FUBP1: variants seen among roughly 807,000 people sequenced by gnomAD.
FUBP1 encodes the protein far upstream element binding protein 1, also known as far upstream element-binding protein 1.
Under a neutral mutation model 94.9 loss-of-function variants are expected in FUBP1, and 16 were observed. The ratio of observed to expected loss-of-function variants is 0.17; its 90% CI spans 0.11 to 0.26. The LOEUF (loss-of-function observed/expected upper bound fraction) is 0.26. FUBP1 is among the 10% of genes least tolerant of loss of function. The pLI, the probability that FUBP1 is intolerant of heterozygous loss-of-function variation, is 1.00. For missense variants in FUBP1, 583 were observed against 808.6 expected (o/e 0.72, Z 3.38); for synonymous variants, 279 against 254.9 (o/e 1.09, Z -0.90).
chr1:77,954,475 T>A (rs1654074323), intron 18 of FUBP1, among the ~76,000 whole-genome samples: 1 of 152,160 alleles, frequency 6.6e-6, no homozygotes, highest in Non-Finnish European at 1.5e-5. Context: ...CAAAACAACT[T>A]TATCATCAGG....
chr1:77,959,216 G>C (rs1275335526), intron 16 of FUBP1, among the ~76,000 whole-genome samples: 1 of 152,068 alleles, frequency 6.6e-6, no homozygotes, highest in Non-Finnish European at 1.5e-5. Context: ...AGGCCTAAAA[G>C]GTAGGTAGCA....
At chr1:77,954,827 A>C (rs528107534) in intron 18 of FUBP1, among the ~76,000 whole-genome samples, 1 of 152,334 alleles carries the variant, frequency 6.6e-6, no homozygotes, top group South Asian at 2.1e-4. Flanking sequence ...CTTGGGACTC[A>C]GACCCTCTTG....
chr1:77,949,361 A>G, intron 18 of FUBP1, 61 bp from the exon 19 acceptor site: 1 of 1,298,704 alleles, frequency 7.7e-7, no homozygotes, highest in Non-Finnish European at 1.1e-6. Context: ...TCTCATTTCT[A>G]ATAAAAACAA....
intron 16 of FUBP1, 68 bp downstream of exon 16, chr1:77,960,116 G>A (rs1021705819): frequency 9.5e-6 from 11 of 1,154,170 alleles, no homozygotes; most frequent in Admixed American, 1.9e-5. Flanking sequence ...ATCAACACTA[G>A]AAAATTTAAT....
chr1:77,966,321 G>C (rs2102413675), intron 7 of FUBP1, among the ~76,000 whole-genome samples: 1 of 152,264 alleles, frequency 6.6e-6, no homozygotes, highest in East Asian at 1.9e-4. Context: ...AAAGAGCCTG[G>C]GAGAGGAGTG....
At position 77,947,028 on chromosome 1, in the gene FUBP1, T is replaced by C. The variant is rs1429421415; in HGVS notation, c.*1738A>G. 6 of 208,814 alleles carry C rather than the reference T, an allele frequency of 2.9e-5. No individual in the cohort carries two copies. In the East Asian group the frequency reaches 4.4e-4, roughly 15 times the overall value. 12.9% of individuals were successfully genotyped at this position (208,814 alleles called of 1,614,324 possible). ...AACAACAAATGGTGCTCTCCACCAA[T>C]GACAAAATATATATTTATGAAATGT... is the stretch of plus-strand genomic sequence containing the variant. On this transcript the variant is annotated 3_prime_UTR_variant, in exon 20 of 20. Coordinates refer to ENST00000370768, the MANE Select transcript of FUBP1 (RefSeq NM_003902.5).
intron 16 of FUBP1, among the ~76,000 whole-genome samples, chr1:77,957,680 A>C (rs1413554663): frequency 6.6e-6 from 1 of 152,226 alleles, no homozygotes; most frequent in Non-Finnish European, 1.5e-5. Flanking sequence ...AAAAATGAGC[A>C]AGAATTTCTA....
intron 18 of FUBP1, among the ~76,000 whole-genome samples, chr1:77,950,069 T>C (rs1016685210): frequency 6.6e-6 from 1 of 152,240 alleles, no homozygotes; most frequent in African/African-American, 2.4e-5. Flanking sequence ...GAATCTTGAA[T>C]GTACTCTGAA....
chr1:77,969,783 CCT>C, intron 2 of FUBP1, 140 bp downstream of exon 2: 1 of 413,620 alleles, frequency 2.4e-6, no homozygotes, highest in Non-Finnish European at 4.4e-6. Context: ...TTCTTTCCCC[CCT>C]TTTAGGCCAA....
chr1:77,968,652 A>C (rs574139040), intron 2 of FUBP1, among the ~76,000 whole-genome samples: 14 of 151,936 alleles, frequency 9.2e-5, no homozygotes, highest in Admixed American at 6.5e-4. Flanking sequence ...CAAAAAAAAA[A>C]AAACAAAAAA....
chr1:77,973,641 C>T (rs1299006572), intron 1 of FUBP1, among the ~76,000 whole-genome samples: 1 of 152,206 alleles, frequency 6.6e-6, no homozygotes, highest in Non-Finnish European at 1.5e-5. Context: ...CCTGTTTTCA[C>T]TACTTTAACA....
At chr1:77,959,933 CAGCTTTT>C (rs1655149326) in intron 16 of FUBP1, among the ~76,000 whole-genome samples, 1 of 152,218 alleles carries the variant, frequency 6.6e-6, no homozygotes, top group African/African-American at 2.4e-5. Flanking sequence ...CTCTTTCCTG[CAGCTTTT>C]AGCTTTTATC....
chr1:77,973,340 A>G (rs1043425344), intron 1 of FUBP1, among the ~76,000 whole-genome samples: 2 of 152,056 alleles, frequency 1.3e-5, no homozygotes, highest in African/African-American at 4.8e-5. Flanking sequence ...CCGCCCCCCA[A>G]GTTCAAGCGA....
chr1:77,962,324 C>A (rs545278458), intron 14 of FUBP1, among the ~76,000 whole-genome samples: 6 of 152,172 alleles, frequency 3.9e-5, no homozygotes, highest in African/African-American at 1.4e-4. Context: ...ATTTTAATAC[C>A]CCCAGATGAT....
chr1:77,979,180 G>A (rs1659365667), upstream of FUBP1: 1 of 642,608 alleles, frequency 1.6e-6, no homozygotes, highest in Non-Finnish European at 2.7e-6. Flanking sequence ...GCAACGCGCT[G>A]GTGTGGGTTA....
At chr1:77,972,342 T>C (rs914338699) in intron 1 of FUBP1, among the ~76,000 whole-genome samples, 1 of 152,160 alleles carries the variant, frequency 6.6e-6, no homozygotes, top group Non-Finnish European at 1.5e-5. Flanking sequence ...AAATACTCTA[T>C]GAGTTTGCAA....
intron 1 of FUBP1, among the ~76,000 whole-genome samples, chr1:77,973,493 G>A (rs1468984736): frequency 2.0e-5 from 3 of 152,136 alleles, no homozygotes; most frequent in East Asian, 1.9e-4. Flanking sequence ...TGATCCACCC[G>A]CCTCAGCCTC....
chr1:77,967,006 GT>G, intron 5 of FUBP1, 42 bp downstream of exon 5: 18 of 1,526,618 alleles, frequency 1.2e-5, no homozygotes, highest in Non-Finnish European at 1.6e-5. Context: ...TCTAAAGTAT[GT>G]TTTGATCATG....
At position 77,979,007 on chromosome 1, in the gene FUBP1, T is replaced by C. The variant is rs773653645; in HGVS notation, c.-3A>G. On this transcript the variant is annotated 5_prime_UTR_variant, in exon 1 of 20. Coordinates refer to ENST00000370768, the MANE Select transcript of FUBP1 (RefSeq NM_003902.5). ...GGCACTGTTGAATAGTCTGCCATGG[T>C]TGCACTATAAGAGCCGCTGCCGCCT... The C allele has an allele frequency of 6.2e-7, 1 of 1,610,608 alleles. No homozygotes were observed. Among genetic ancestry groups the C allele is most frequent in the East Asian group, 2.2e-5 (1 of 44,782 alleles).
Sources: gnomAD v4.1 joint callset for allele counts (sites outside exome capture counted in the v4.1 genomes callset) on GRCh38, gnomAD v4.1.1 for gene constraint, MANE v1.5 for transcripts, NCBI Gene and HGNC (gene_info 2026-07-23, HGNC 2026-07-21) for gene names.